Variants in NRXN3 observed in about 807,000 individuals in gnomAD.
NRXN3 encodes neurexin III.
In NRXN3, 32 loss-of-function variants were observed where a neutral mutation model predicts 137.6. The observed-to-expected ratio is 0.23, with a 90% CI of 0.18 to 0.31. The LOEUF is 0.31. Among genes scored for constraint, NRXN3 ranks in the 10% least tolerant of loss-of-function variants. The pLI, the probability that NRXN3 is intolerant of heterozygous loss-of-function variation, is 1.00. For missense variants in NRXN3, 1,574 were observed against 2,062.5 expected (o/e 0.76, Z 4.59); for synonymous variants, 798 against 784.5 (o/e 1.02, Z -0.29).
chr14:79,146,264 A>G (rs1358191406), intron 15 of NRXN3, among the ~76,000 whole-genome samples: 1 of 152,104 alleles, frequency 6.6e-6, no homozygotes, highest in Admixed American at 6.6e-5. Context: ...GCTCTTAACC[A>G]CTACAGAAAA....
At chr14:79,843,920 C>T (rs964108063) in intron 20 of NRXN3, among the ~76,000 whole-genome samples, 1 of 152,068 alleles carries the variant, frequency 6.6e-6, no homozygotes, top group Non-Finnish European at 1.5e-5. Flanking sequence ...ACCTTCAAGT[C>T]CCCAAAGACC....
intron 19 of NRXN3, among the ~76,000 whole-genome samples, chr14:79,803,497 T>A (rs2099189953): frequency 6.6e-6 from 1 of 152,140 alleles, no homozygotes; most frequent in Non-Finnish European, 1.5e-5. Context: ...TGGGTATGTC[T>A]GCGTCCTACT....
intron 11 of NRXN3, among the ~76,000 whole-genome samples, chr14:78,963,088 A>T (rs1245885091): frequency 6.6e-6 from 1 of 151,892 alleles, no homozygotes; most frequent in Non-Finnish European, 1.5e-5. Context: ...TCCTGGGCTA[A>T]GCTCCTAAAT....
At chr14:79,766,244 T>C (rs561469765) in intron 19 of NRXN3, among the ~76,000 whole-genome samples, 1 of 152,302 alleles carries the variant, frequency 6.6e-6, no homozygotes, top group South Asian at 2.1e-4. Flanking sequence ...CATTATGTGA[T>C]ATGATTTGCC....
intron 2 of NRXN3, among the ~76,000 whole-genome samples, chr14:78,268,601 T>C (rs1222877692): frequency 6.6e-6 from 1 of 152,172 alleles, no homozygotes; most frequent in Non-Finnish European, 1.5e-5. Context: ...TATTTGTGGA[T>C]GGAAGTATGG....
At chr14:78,760,540 A>G (rs549557147) in intron 8 of NRXN3, among the ~76,000 whole-genome samples, 2 of 149,500 alleles carry the variant, frequency 1.3e-5, no homozygotes, top group Non-Finnish European at 3.0e-5. Flanking sequence ...AGAGATACCA[A>G]TGATTTGTTA....
chr14:79,471,645 T>C (rs1347709522), intron 16 of NRXN3, among the ~76,000 whole-genome samples: 1 of 152,110 alleles, frequency 6.6e-6, no homozygotes, highest in East Asian at 1.9e-4. Context: ...TAAGTTTTGA[T>C]AGGAGAGTTG....
intron 4 of NRXN3, among the ~76,000 whole-genome samples, chr14:78,374,344 G>A (rs1421669312): frequency 6.6e-6 from 1 of 152,188 alleles, no homozygotes; most frequent in East Asian, 1.9e-4. Context: ...TAATAGAGTG[G>A]TTGTTATAAG....
At chr14:78,939,080 C>T (rs1191325966) in intron 10 of NRXN3, among the ~76,000 whole-genome samples, 3 of 151,830 alleles carry the variant, frequency 2.0e-5, no homozygotes, top group African/African-American at 7.3e-5. Flanking sequence ...CTCCTGACCT[C>T]GTGATCCGCC....
At chr14:78,330,109 G>C (rs2080614497) in intron 4 of NRXN3, among the ~76,000 whole-genome samples, 1 of 152,146 alleles carries the variant, frequency 6.6e-6, no homozygotes, top group Non-Finnish European at 1.5e-5. Context: ...TGTACTCCTA[G>C]TGACACAGTT....
At position 78,467,540 on chromosome 14, in the gene NRXN3, A is replaced by G. The variant is rs113016791; in HGVS notation, c.757+169680A>G. 2.2e-3 allele frequency among the ~76,000 whole-genome samples: 337 copies of G among 152,316 alleles called. 1 individual carries two copies. Among genetic ancestry groups the G allele is most frequent in the African/African-American group, 7.9e-3 (327 of 41,568 alleles). On this transcript the variant is annotated intron_variant, in intron 4 of 20. Transcript: ENST00000335750. The stretch of plus-strand genomic sequence containing the variant: ...TGGCCTTTCCCATACTCTGTGTGTT[A>G]TGTTGACTCAGTCTTTCCCCACTTT...
At chr14:78,855,399 T>C (rs1406451275) in intron 10 of NRXN3, among the ~76,000 whole-genome samples, 1 of 152,176 alleles carries the variant, frequency 6.6e-6, no homozygotes, top group African/African-American at 2.4e-5. Context: ...TACACTTTGG[T>C]ATAATGATTC....
chr14:79,169,965 A>G lies in NRXN3; in HGVS notation c.3262+181824A>G, dbSNP rs766025. On this transcript the variant is annotated intron_variant, in intron 15 of 20. Coordinates refer to ENST00000335750, the MANE Select transcript of NRXN3 (RefSeq NM_001330195.2). ...TTAGAATTGGCTTAACAACAAGTCA[A>G]TGACCTAAGCTAGGGTAGGCATAAG... Among the ~76,000 whole-genome samples the G allele has an allele frequency of 2.3e-4, 35 of 152,242 alleles. No homozygotes were observed. The South Asian group carries it at 6.0e-3, about 26-fold the overall frequency.
At chr14:79,746,750 C>T (rs2154084223) in intron 19 of NRXN3, among the ~76,000 whole-genome samples, 1 of 152,232 alleles carries the variant, frequency 6.6e-6, no homozygotes, top group Non-Finnish European at 1.5e-5. Flanking sequence ...TCATCTTCTA[C>T]TGCTCTCTTA....
intron 15 of NRXN3, among the ~76,000 whole-genome samples, chr14:79,422,325 A>G (rs2095589809): frequency 6.6e-6 from 1 of 151,982 alleles, no homozygotes; most frequent in South Asian, 2.1e-4. Flanking sequence ...CAGCCTCCCA[A>G]AGTGTAGGAT....
chr14:78,525,371 C>T (rs1433385121), intron 4 of NRXN3, among the ~76,000 whole-genome samples: 1 of 152,148 alleles, frequency 6.6e-6, no homozygotes, highest in South Asian at 2.1e-4. Flanking sequence ...GGCCCCCATG[C>T]CTAGGTGATG....
At chr14:79,314,778 C>T (rs1197828319) in intron 15 of NRXN3, among the ~76,000 whole-genome samples, 2 of 146,664 alleles carry the variant, frequency 1.4e-5, no homozygotes. Context: ...AGCAGCCTAA[C>T]TGGGAGGCAC....
intron 4 of NRXN3, among the ~76,000 whole-genome samples, chr14:78,452,775 T>G (rs898511720): frequency 6.6e-6 from 1 of 152,178 alleles, no homozygotes; most frequent in African/African-American, 2.4e-5. Context: ...GGCTTATTAA[T>G]CAATGGCATC....
At chr14:78,868,242 T>C (rs1274552640) in intron 10 of NRXN3, among the ~76,000 whole-genome samples, 1 of 152,048 alleles carries the variant, frequency 6.6e-6, no homozygotes, top group East Asian at 1.9e-4. Context: ...GATCCTTGCA[T>C]AGTAGCATCT....
Sources: gnomAD v4.1 joint callset for allele counts (sites outside exome capture counted in the v4.1 genomes callset) on GRCh38, gnomAD v4.1.1 for gene constraint, MANE v1.5 for transcripts, NCBI Gene and HGNC (gene_info 2026-07-23, HGNC 2026-07-21) for gene names.